The following MCCC1 variants were observed in gnomAD, a reference collection of about 807,000 sequenced individuals.
MCCC1 encodes methylcrotonoyl-CoA carboxylase subunit alpha, mitochondrial.
Under a neutral mutation model 83.8 loss-of-function variants are expected in MCCC1, and 64 were observed. The observed-to-expected ratio is 0.76, with a 90% CI of 0.62 to 0.94. The LOEUF (loss-of-function observed/expected upper bound fraction) is 0.94, where lower values mean the gene tolerates loss of function less well. Among genes scored for constraint, MCCC1 ranks in the 40% least tolerant of loss-of-function variants. MCCC1 has a pLI of 0.00. For synonymous variants in MCCC1, 322 were observed against 315.4 expected (o/e 1.02, Z -0.22); for missense variants, 807 against 904.7 (o/e 0.89, Z 1.39).
intron 16 of MCCC1, 21 bp from the exon 17 acceptor site, chr3:183,020,258 G>A (rs746861513): frequency 2.0e-5 from 31 of 1,561,790 alleles, no homozygotes; most frequent in Admixed American, 8.4e-5. Context: ...AAAACAAACT[G>A]AAAACCGAAT....
chr3:183,113,311 C>T (rs776435676), intron 1 of MCCC1, among the ~76,000 whole-genome samples: 7 of 149,214 alleles, frequency 4.7e-5, no homozygotes, highest in Non-Finnish European at 5.9e-5. Context: ...AGCAAACTAT[C>T]GCAAGGACAG....
intron 11 of MCCC1, among the ~76,000 whole-genome samples, chr3:183,039,420 C>T (rs778102465): frequency 2.4e-4 from 36 of 152,114 alleles, no homozygotes; most frequent in Non-Finnish European, 4.3e-4. Context: ...CTTCTTTTCC[C>T]TTCTCATTTT....
In MCCC1 at chr3:183,020,921, A is replaced by G. The variant is rs573045641; in HGVS notation, c.1870-684T>C. On this transcript the variant is annotated intron_variant, in intron 16 of 18. Transcript: ENST00000265594. ...AAAAAATACAAAAAATTAGCTGGGC[A>G]TGGTGGCGGGCGCCTGCAGTCCCAG... Among the ~76,000 whole-genome samples, 59 of 151,684 alleles carry G rather than the reference A, an allele frequency of 3.9e-4. No individual in the cohort carries two copies. The South Asian group carries it at 5.2e-3, about 13-fold the overall frequency.
At position 183,018,917 on chromosome 3, in the gene MCCC1, C is replaced by T. The variant is rs552317965; in HGVS notation, c.1977+1213G>A. Among the ~76,000 whole-genome samples the T allele has an allele frequency of 2.3e-4, 35 of 152,260 alleles. 1 individual carries two copies. Among genetic ancestry groups the T allele is most frequent in the South Asian group, 1.9e-3 (9 of 4,822 alleles). On this transcript the variant is annotated intron_variant, in intron 17 of 18. Coordinates refer to ENST00000265594, the MANE Select transcript of MCCC1 (RefSeq NM_020166.5). The stretch of plus-strand genomic sequence containing the variant: ...AGAGATTTCTATTTTCTTTTGTATA[C>T]ATATAAATGGACTCATAGATCCTAT...
At chr3:183,031,385 C>G (rs1476906446) in intron 14 of MCCC1, among the ~76,000 whole-genome samples, 2 of 150,820 alleles carry the variant, frequency 1.3e-5, no homozygotes, top group Admixed American at 6.6e-5. Context: ...CCTCTAGTAG[C>G]AAAGTAAGAA....
intron 4 of MCCC1, among the ~76,000 whole-genome samples, chr3:183,083,847 TAAAC>T (rs1717693781): frequency 6.6e-6 from 1 of 152,358 alleles, no homozygotes; most frequent in African/African-American, 2.4e-5. Context: ...AATTTCTAAT[TAAAC>T]AACACCTTCC....
chr3:183,052,050 G>T, intron 9 of MCCC1, 109 bp downstream of exon 9: 1 of 983,992 alleles, frequency 1.0e-6, no homozygotes, highest in Non-Finnish European at 1.6e-6. Context: ...TGTGAATATG[G>T]TCAAAACAGC....
At chr3:183,081,057 C>T (rs1247204351) in intron 4 of MCCC1, among the ~76,000 whole-genome samples, 29 of 152,184 alleles carry the variant, frequency 1.9e-4, no homozygotes, top group Admixed American at 1.7e-3. Flanking sequence ...TAACTAAAAA[C>T]AAAAGGAGCC....
At chr3:183,020,929 G>A (rs1004391790) in intron 16 of MCCC1, among the ~76,000 whole-genome samples, 3 of 151,512 alleles carry the variant, frequency 2.0e-5, no homozygotes, top group South Asian at 2.1e-4. Flanking sequence ...GCATGGTGGC[G>A]GGCGCCTGCA....
At chr3:183,045,392 T>C in intron 10 of MCCC1, 21 bp downstream of exon 10, 1 of 1,613,434 alleles carries the variant, frequency 6.2e-7, no homozygotes. Context: ...GGCTGATTTT[T>C]AATAGAAAAA....
At chr3:183,083,967 AATG>A (rs1717703727) in intron 4 of MCCC1, among the ~76,000 whole-genome samples, 1 of 152,252 alleles carries the variant, frequency 6.6e-6, no homozygotes, top group Admixed American at 6.5e-5. Flanking sequence ...TTTCTCTTTC[AATG>A]ATTAGACAAG....
intron 3 of MCCC1, among the ~76,000 whole-genome samples, chr3:183,091,829 C>G (rs902639103): frequency 3.3e-5 from 5 of 151,954 alleles, no homozygotes; most frequent in South Asian, 2.1e-4. Context: ...ACGAGGTCAG[C>G]AGATTGAGAC....
chr3:183,099,678 G>A, upstream of MCCC1: 2 of 600,600 alleles, frequency 3.3e-6, no homozygotes, highest in East Asian at 5.6e-5. Flanking sequence ...TGGGGGTGTG[G>A]CCTTTGTTTC....
intron 7 of MCCC1, among the ~76,000 whole-genome samples, chr3:183,070,648 G>A (rs1446548552): frequency 6.6e-6 from 1 of 151,934 alleles, no homozygotes; most frequent in South Asian, 2.1e-4. Flanking sequence ...CAGGACAATC[G>A]CTTGAACTCG....
chr3:183,041,816 T>C, intron 10 of MCCC1, 66 bp from the exon 11 acceptor site: 4 of 1,571,028 alleles, frequency 2.5e-6, no homozygotes, highest in Non-Finnish European at 3.5e-6. Flanking sequence ...AGTAAATCAA[T>C]GGTCTTGCTT....
At chr3:183,096,611 T>C (rs1718755817) in intron 1 of MCCC1, among the ~76,000 whole-genome samples, 1 of 152,144 alleles carries the variant, frequency 6.6e-6, no homozygotes, top group Non-Finnish European at 1.5e-5. Flanking sequence ...CATCTACACA[T>C]CTATATGCGT....
At chr3:183,108,501 G>A (rs146221959) in intron 1 of MCCC1, among the ~76,000 whole-genome samples, 5 of 152,188 alleles carry the variant, frequency 3.3e-5, no homozygotes, top group East Asian at 1.9e-4. Flanking sequence ...TTTTGTCTCC[G>A]AGAGGTAGAA....
At chr3:183,071,493 A>G in intron 5 of MCCC1, 136 bp from the exon 6 acceptor site, 1 of 1,272,554 alleles carries the variant, frequency 7.9e-7, no homozygotes, top group East Asian at 2.5e-5. Flanking sequence ...CGACAAAATA[A>G]TACAAATTTA....
chr3:183,017,313 C>T lies in MCCC1; in HGVS notation c.2002G>A (p.Val668Met). The change falls in exon 18 of 19, where the codon GTG (valine) becomes ATG (methionine). Residue 668 changes from valine to methionine, a missense_variant. Coordinates refer to ENST00000265594, the MANE Select transcript of MCCC1 (RefSeq NM_020166.5). ...EKVFVKAGDK[V>M]KAGDSLMVMI... ...ACCATGAGGGAATCTCCCGCTTTCA[C>T]TTTGTCTCCAGCTTTGACAAACACC... 1 of 1,613,954 alleles carries T rather than the reference C, an allele frequency of 6.2e-7. No individual in the cohort carries two copies. Among genetic ancestry groups the T allele is most frequent in the Non-Finnish European group, 8.5e-7 (1 of 1,180,012 alleles).
Sources: gnomAD v4.1 joint callset for allele counts (sites outside exome capture counted in the v4.1 genomes callset) on GRCh38, gnomAD v4.1.1 for gene constraint, MANE v1.5 for transcripts, NCBI Gene and HGNC (gene_info 2026-07-23, HGNC 2026-07-21) for gene names.